The following UGT2B15 variants were observed in gnomAD, a reference collection of about 807,000 sequenced individuals.
The protein encoded by UGT2B15 is UDP-glucuronosyltransferase 2B15.
In UGT2B15, 36 loss-of-function variants were observed where a neutral mutation model predicts 45.9. That is an observed-to-expected ratio of 0.78 (90% CI 0.60 to 1.04). The LOEUF is 1.04. UGT2B15 is among the 50% of genes least tolerant of loss of function. UGT2B15 has a pLI of 0.00. For missense variants in UGT2B15, 617 were observed against 622.4 expected, an observed-to-expected ratio of 0.99 and a Z score of 0.09; for synonymous variants, 219 against 216.4, an observed-to-expected ratio of 1.01 and a Z score of -0.11.
At chr4:68,667,088 T>A (rs1232528313) in intron 2 of UGT2B15, among the ~76,000 whole-genome samples, 2 of 151,940 alleles carry the variant, frequency 1.3e-5, no homozygotes, top group Non-Finnish European at 2.9e-5. Flanking sequence ...AAATTAAATT[T>A]GGAGTTCCTG....
intron 5 of UGT2B15, among the ~76,000 whole-genome samples, chr4:68,650,942 TC>T: frequency 6.6e-6 from 1 of 151,994 alleles, no homozygotes; most frequent in Middle Eastern, 3.4e-3. Context: ...TGCATAAATG[TC>T]TTTTTTTAAG....
At chr4:68,649,454 A>G (rs1373409669) in intron 5 of UGT2B15, among the ~76,000 whole-genome samples, 1 of 151,400 alleles carries the variant, frequency 6.6e-6, no homozygotes, top group East Asian at 2.0e-4. Context: ...TAAGTTTTGT[A>G]TTATTAGTGG....
intron 3 of UGT2B15, among the ~76,000 whole-genome samples, chr4:68,656,976 T>C (rs998020992): frequency 2.0e-5 from 3 of 151,966 alleles, no homozygotes; most frequent in African/African-American, 7.3e-5. Flanking sequence ...GTATTGACTG[T>C]TGCTATTTTT....
At chr4:68,664,272 A>AT (rs1359492366) in intron 2 of UGT2B15, among the ~76,000 whole-genome samples, 2 of 151,294 alleles carry the variant, frequency 1.3e-5, no homozygotes, top group Non-Finnish European at 2.9e-5. Flanking sequence ...ACACCAAAAA[A>AT]AAAAAAAGAG....
chr4:68,663,421 T>C (rs1277736102), intron 2 of UGT2B15, among the ~76,000 whole-genome samples: 3 of 152,122 alleles, frequency 2.0e-5, no homozygotes, highest in African/African-American at 4.8e-5. Flanking sequence ...GAGATAATGC[T>C]AGAAAATGTT....
chr4:68,659,338 T>G (rs1732895968), intron 3 of UGT2B15, among the ~76,000 whole-genome samples: 1 of 152,044 alleles, frequency 6.6e-6, no homozygotes, highest in Admixed American at 6.6e-5. Flanking sequence ...TTATAAATTA[T>G]GATTTTTTCT....
At chr4:68,650,464 C>T (rs996751988) in intron 5 of UGT2B15, among the ~76,000 whole-genome samples, 25 of 152,080 alleles carry the variant, frequency 1.6e-4, no homozygotes, top group Non-Finnish European at 3.4e-4. Context: ...CGTGTCCCTG[C>T]AACAGACATG....
chr4:68,663,556 G>A (rs1733026560), intron 2 of UGT2B15, among the ~76,000 whole-genome samples: 1 of 151,928 alleles, frequency 6.6e-6, no homozygotes, highest in African/African-American at 2.4e-5. Flanking sequence ...ATTTGGGGTA[G>A]TTTTATTTTA....
intron 2 of UGT2B15, 88 bp downstream of exon 2, chr4:68,667,952 C>A: frequency 6.5e-7 from 1 of 1,541,028 alleles, no homozygotes; most frequent in South Asian, 1.2e-5. Flanking sequence ...ATATTCCCCT[C>A]ACTCTGAGTT....
chr4:68,660,867 A>G (rs79267241), intron 3 of UGT2B15, among the ~76,000 whole-genome samples: 133,354 of 151,676 alleles, frequency 0.88, 60,175 homozygotes, highest in East Asian at 1. Context: ...AATAACAGCA[A>G]CCAATTTACA....
intron 3 of UGT2B15, among the ~76,000 whole-genome samples, chr4:68,657,401 T>C (rs538251962): frequency 1.1e-4 from 16 of 152,162 alleles, no homozygotes; most frequent in South Asian, 2.1e-4. Flanking sequence ...AACTGAGACA[T>C]GTAAGAGGGT....
chr4:68,648,921 A>G (rs1051701236), intron 5 of UGT2B15, among the ~76,000 whole-genome samples: 7 of 151,998 alleles, frequency 4.6e-5, no homozygotes, highest in Non-Finnish European at 1.0e-4. Context: ...TGATTAATGG[A>G]TATTTGTGTT....
rs181659616 is a variant in UGT2B15, at chr4:68,649,021, G to A, written c.1314-1638C>T. On this transcript the variant is annotated intron_variant, in intron 5 of 5. Coordinates refer to ENST00000338206, the MANE Select transcript of UGT2B15 (RefSeq NM_001076.4). ...AAATATTTATTCATTTTTGTTGGAT[G>A]TATACTTGGAAGAATAGTTGATGAG... Among the ~76,000 whole-genome samples, 876 of 151,940 alleles carry A rather than the reference G, an allele frequency of 5.8e-3. 12 individuals are homozygous for A. Among genetic ancestry groups the A allele is most frequent in the African/African-American group, 0.02 (815 of 41,472 alleles).
chr4:68,653,981 C>A, intron 5 of UGT2B15, 56 bp downstream of exon 5: 1 of 1,591,712 alleles, frequency 6.3e-7, no homozygotes, highest in Non-Finnish European at 8.6e-7. Context: ...AATTCATATT[C>A]ACTGTTGACA....
intron 3 of UGT2B15, among the ~76,000 whole-genome samples, chr4:68,660,230 T>C (rs1732923802): frequency 6.6e-6 from 1 of 151,014 alleles, no homozygotes; most frequent in Non-Finnish European, 1.5e-5. Flanking sequence ...ATGGAGCCAA[T>C]AAAACCCCTT....
chr4:68,649,359 A>G (rs1179652046), intron 5 of UGT2B15, among the ~76,000 whole-genome samples: 1 of 144,186 alleles, frequency 6.9e-6, no homozygotes, highest in East Asian at 2.1e-4. Context: ...GCTGACTGCA[A>G]TTTGCATCTC....
rs1197387928 is a variant in UGT2B15, at chr4:68,647,013, G to GA, written c.*90dup. On this transcript the variant is annotated 3_prime_UTR_variant, in exon 6 of 6. Coordinates refer to ENST00000338206, the MANE Select transcript of UGT2B15 (RefSeq NM_001076.4). ...GTTGTGAAAAGATGTTTTGTCACAG[G>GA]AAAAAGGAAATCCTCCATTTAAAAC... is the stretch of plus-strand genomic sequence containing the variant. 4 of 1,506,644 alleles carry GA rather than the reference G, an allele frequency of 2.7e-6. No homozygotes were observed. Among genetic ancestry groups the GA allele is most frequent in the African/African-American group, 2.8e-5 (2 of 71,448 alleles). 93.3% of individuals were successfully genotyped at this position (1,506,644 alleles called of 1,614,324 possible). A position where few individuals can be genotyped will look rare whatever the true frequency, so the allele number is the denominator to read the frequency against.
At chr4:68,650,362 A>G (rs1234387801) in intron 5 of UGT2B15, among the ~76,000 whole-genome samples, 1 of 151,754 alleles carries the variant, frequency 6.6e-6, no homozygotes, top group African/African-American at 2.4e-5. Flanking sequence ...ATGTATTCTC[A>G]TTGTTCAACT....
intron 3 of UGT2B15, among the ~76,000 whole-genome samples, chr4:68,657,765 G>A (rs1049440345): frequency 1.3e-5 from 2 of 151,888 alleles, no homozygotes; most frequent in African/African-American, 4.8e-5. Flanking sequence ...TTTCTATTAA[G>A]ATAAAAACCA....
Sources: allele counts gnomAD v4.1 joint callset (sites outside exome capture counted in the v4.1 genomes callset), GRCh38; gene constraint gnomAD v4.1.1; transcripts MANE v1.5; gene names NCBI Gene and HGNC (gene_info 2026-07-23, HGNC 2026-07-21).